BLTP1: variants seen among roughly 807,000 people sequenced by gnomAD.
BLTP1 encodes fragile site-associated protein.
At chr4:122,154,490 G>A in the BLTP1 span, 2 of 984,978 alleles carry the variant, frequency 2.0e-6, no homozygotes, top group African/African-American at 1.7e-5. Flanking sequence ...GAGAAAGCAG[G>A]GAAATCCTTT....
At chr4:122,284,454 A>AAATGTAAT in the BLTP1 span, among the ~76,000 whole-genome samples, 1 of 152,204 alleles carries the variant, frequency 6.6e-6, no homozygotes, top group African/African-American at 2.4e-5. Context: ...AATTATTGGT[A>AAATGTAAT]AATGTAATCA....
chr4:122,350,517 C>A, the BLTP1 span: 1 of 310,458 alleles, frequency 3.2e-6, no homozygotes, highest in Non-Finnish European at 4.7e-6. Context: ...TGGACAGAAT[C>A]ACTACCCTCA....
chr4:122,258,459 G>A, the BLTP1 span, among the ~76,000 whole-genome samples: 1 of 152,076 alleles, frequency 6.6e-6, no homozygotes. Context: ...GTGCTTTCTT[G>A]CGCTTAGTTG....
At chr4:122,263,532 T>C in the BLTP1 span, 1 of 1,613,408 alleles carries the variant, frequency 6.2e-7, no homozygotes, top group Non-Finnish European at 8.5e-7. Flanking sequence ...TCAAATGCTG[T>C]GGGTAATCGA....
the BLTP1 span, chr4:122,214,620 T>A: frequency 2.1e-4 from 68 of 330,984 alleles, no homozygotes; most frequent in Middle Eastern, 1.6e-3. Context: ...TAAATTCTTT[T>A]TTTTTTTTTT....
chr4:122,159,850 C>G, the BLTP1 span, among the ~76,000 whole-genome samples: 1 of 152,130 alleles, frequency 6.6e-6, no homozygotes, highest in Non-Finnish European at 1.5e-5. Context: ...CAGACAATTT[C>G]TATTATTTCT....
At chr4:122,210,137 A>G in the BLTP1 span, 6 of 362,210 alleles carry the variant, frequency 1.7e-5, no homozygotes, top group East Asian at 1.7e-4. Flanking sequence ...ATTATCTTCT[A>G]TTATGTTTAA....
the BLTP1 span, among the ~76,000 whole-genome samples, chr4:122,231,110 A>C: frequency 6.6e-6 from 1 of 152,170 alleles, no homozygotes; most frequent in Non-Finnish European, 1.5e-5. Context: ...TAAATGATAG[A>C]GGAACATTTT....
the BLTP1 span, among the ~76,000 whole-genome samples, chr4:122,320,565 T>C: frequency 2.0e-5 from 3 of 152,190 alleles, no homozygotes; most frequent in Non-Finnish European, 2.9e-5. Context: ...TTTTCTTTGC[T>C]TTGAAATCTG....
the BLTP1 span, chr4:122,273,102 GT>G: frequency 5.5e-5 from 28 of 512,394 alleles, no homozygotes; most frequent in South Asian, 1.0e-3. Context: ...AACCAGTGTG[GT>G]TTTTTTTCTG....
the BLTP1 span, among the ~76,000 whole-genome samples, chr4:122,294,989 A>G: frequency 6.6e-6 from 1 of 152,210 alleles, no homozygotes; most frequent in Non-Finnish European, 1.5e-5. Context: ...TCAACAGCAC[A>G]ATAGACCAAG....
the BLTP1 span, among the ~76,000 whole-genome samples, chr4:122,159,585 T>G: frequency 6.6e-6 from 1 of 152,196 alleles, no homozygotes; most frequent in East Asian, 1.9e-4. Context: ...ATTTTTTCTT[T>G]AAGAATATTA....
At chr4:122,207,825 A>G in the BLTP1 span, 2 of 918,964 alleles carry the variant, frequency 2.2e-6, no homozygotes, top group South Asian at 1.0e-4. Context: ...AACTGCATCT[A>G]AGAAATTGGT....
At chr4:122,335,263 T>C in the BLTP1 span, among the ~76,000 whole-genome samples, 1 of 152,062 alleles carries the variant, frequency 6.6e-6, no homozygotes, top group Non-Finnish European at 1.5e-5. Flanking sequence ...TTATCTCTTA[T>C]GGCTTAGCCT....
At chr4:122,219,300 C>T in the BLTP1 span, 1 of 1,598,804 alleles carries the variant, frequency 6.3e-7, no homozygotes, top group African/African-American at 1.3e-5. Flanking sequence ...TATTTACATA[C>T]CTCTTTTGAC....
the BLTP1 span, chr4:122,162,515 C>A: frequency 3.0e-6 from 3 of 985,376 alleles, no homozygotes; most frequent in Non-Finnish European, 3.6e-6. Flanking sequence ...CCAGTTCTTT[C>A]CAACTCTTCT....
the BLTP1 span, among the ~76,000 whole-genome samples, chr4:122,314,994 G>A: frequency 6.6e-6 from 1 of 152,060 alleles, no homozygotes; most frequent in African/African-American, 2.4e-5. Flanking sequence ...TTGGCTACTT[G>A]TTTTTCTTCT....
At chr4:122,266,899 C>T in the BLTP1 span, 2 of 1,611,054 alleles carry the variant, frequency 1.2e-6, no homozygotes, top group Non-Finnish European at 1.7e-6. Flanking sequence ...TGGACTGCCT[C>T]AGAGCAGATA....
the BLTP1 span, among the ~76,000 whole-genome samples, chr4:122,209,543 G>A: frequency 6.6e-6 from 1 of 152,164 alleles, no homozygotes; most frequent in African/African-American, 2.4e-5. Context: ...TACCTGGGAG[G>A]CTAAGGTAGG....
Sources: allele counts gnomAD v4.1 joint callset (sites outside exome capture counted in the v4.1 genomes callset), GRCh38; gene constraint gnomAD v4.1.1; transcripts MANE v1.5; gene names NCBI Gene and HGNC (gene_info 2026-07-23, HGNC 2026-07-21).